MAMSTR: variants seen among roughly 807,000 people sequenced by gnomAD.
The protein encoded by MAMSTR is MEF2 activating motif and SAP domain containing transcriptional regulator, also known as MEF2-activating motif and SAP domain-containing transcriptional regulator.
Under a neutral mutation model 42.7 loss-of-function variants are expected in MAMSTR, and 41 were observed. The ratio of observed to expected loss-of-function variants is 0.96; its 90% CI spans 0.75 to 1.25. The LOEUF (loss-of-function observed/expected upper bound fraction) is 1.25, where lower values mean the gene tolerates loss of function less well. MAMSTR is among the 50% of genes most tolerant of loss of function. The pLI is 0.00. For synonymous variants in MAMSTR, 265 were observed against 244.1 expected, an observed-to-expected ratio of 1.09 and a Z score of -0.80; for missense variants, 567 against 557.6, an observed-to-expected ratio of 1.02 and a Z score of -0.17.
chr19:48,715,499 C>T, intron 4 of MAMSTR, 53 bp from the exon 5 acceptor site: 1 of 1,464,352 alleles, frequency 6.8e-7, no homozygotes, highest in Non-Finnish European at 9.0e-7. Context: ...CACCTTCCGG[C>T]CCCAGGACTA....
chr19:48,715,972 A>C, intron 3 of MAMSTR: 1 of 1,377,224 alleles, frequency 7.3e-7, no homozygotes, highest in Non-Finnish European at 9.3e-7. Flanking sequence ...GTAAAGCAGG[A>C]ATTTTCTATC....
chr19:48,707,883 G>GAAAGAAAGAAAGAAAGAAAGA (rs1555755213), downstream of MAMSTR, among the ~76,000 whole-genome samples: 1 of 106,016 alleles, frequency 9.4e-6, no homozygotes, highest in South Asian at 2.7e-4. Flanking sequence ...AAGAAAGAAA[G>GAAAGAAAGAAAGAAAGAAAGA]AAAGAAAAGA....
chr19:48,713,506 C>A lies in MAMSTR; in HGVS notation c.1009G>T (p.Val337Leu). ...TCAGAGTCCGGGGAGGGGGACAGCA[C>A]GTCGAAGGAGCCAGGGAAGTCCAGG... is the stretch of plus-strand genomic sequence containing the variant. ...IPLDFPGSFDVLSPSPDSEGL... is the reference protein window; with the variant it reads ...IPLDFPGSFDLLSPSPDSEGL... Residue 337 changes from valine to leucine, a missense_variant, in exon 10 of 10, where the codon GTG becomes TTG. Transcript: ENST00000318083. 2 of 1,612,212 alleles carry A rather than the reference C, an allele frequency of 1.2e-6. No homozygotes were observed. Among genetic ancestry groups the A allele is most frequent in the Non-Finnish European group, 1.7e-6 (2 of 1,179,574 alleles).
chr19:48,707,703 T>C, the MAMSTR span, among the ~76,000 whole-genome samples: 2 of 146,210 alleles, frequency 1.4e-5, no homozygotes, highest in Non-Finnish European at 3.0e-5. Flanking sequence ...ATATCGCCAC[T>C]GTACTCCAGC....
downstream of MAMSTR, among the ~76,000 whole-genome samples, chr19:48,711,266 A>C (rs1368680844): frequency 6.6e-6 from 1 of 152,162 alleles, no homozygotes. Flanking sequence ...CAAGAAATCT[A>C]GTTATCCCGG....
Position 48,713,173 on chromosome 19 carries a change from G to T in MAMSTR, c.*94C>A. The T allele has an allele frequency of 8.1e-7, 1 of 1,230,432 alleles. No homozygotes were observed. Among genetic ancestry groups the T allele is most frequent in the Middle Eastern group, 2.9e-4 (1 of 3,478 alleles). 76.2% of individuals were successfully genotyped at this position (1,230,432 alleles called of 1,614,324 possible). A position where few individuals can be genotyped will look rare whatever the true frequency, so the allele number is the denominator to read the frequency against. The stretch of plus-strand genomic sequence containing the variant: ...AGGTTGTCTCCGATCCTGTGTCTGC[G>T]GTAGGAGGGGCTCTGCTGGTAGTTC... On this transcript the variant is annotated 3_prime_UTR_variant, in exon 10 of 10. Transcript: ENST00000318083.
rs540178060 is a variant in MAMSTR at position 48,713,452 on chromosome 19, G to A, written c.1063C>T (p.Leu355Phe). 1.9e-6 allele frequency: 3 copies of A among 1,612,862 alleles called. No homozygotes were observed. Among genetic ancestry groups the A allele is most frequent in the African/African-American group, 1.3e-5 (1 of 75,038 alleles). Reference protein sequence around the residue: ...EGLSSVFSSSLPSPTNSSSPS... With the variant: ...EGLSSVFSSSFPSPTNSSSPS... ...GAGGAGGAGTTCGTGGGAGACGGGA[G>A]TGAAGAGGAGAAAACAGATGAGAGG... Residue 355 changes from leucine to phenylalanine, a missense_variant, in exon 10 of 10, where the codon CTC becomes TTC. By Grantham distance (22) the Leu-to-Phe change is conservative. Transcript: ENST00000318083.
downstream of MAMSTR, among the ~76,000 whole-genome samples, chr19:48,708,575 C>T (rs76226641): frequency 1.2e-4 from 18 of 152,132 alleles, no homozygotes; most frequent in Non-Finnish European, 7.4e-5. Flanking sequence ...TCGGCAGTGC[C>T]GGCAGTGCAG....
chr19:48,710,930 A>G (rs533402925), downstream of MAMSTR, among the ~76,000 whole-genome samples: 69 of 152,176 alleles, frequency 4.5e-4, no homozygotes, highest in Non-Finnish European at 9.0e-4. Flanking sequence ...AACTTACCCT[A>G]TGACGTTCTT....
chr19:48,711,847 G>T (rs560608336), downstream of MAMSTR, among the ~76,000 whole-genome samples: 57 of 145,962 alleles, frequency 3.9e-4, 1 homozygote, highest in African/African-American at 1.3e-3. Flanking sequence ...CCGGGTTCAC[G>T]CCATTCTCCT....
chr19:48,707,879 GAAAGAAAGAAAA>G (rs2032673243), downstream of MAMSTR, among the ~76,000 whole-genome samples: 2 of 109,480 alleles, frequency 1.8e-5, no homozygotes, highest in African/African-American at 7.8e-5. Context: ...AAGAAAGAAA[GAAAGAAAGAAAA>G]GAAAGAAAGA....
chr19:48,715,167 G>C, intron 5 of MAMSTR, 95 bp downstream of exon 5: 1 of 1,204,034 alleles, frequency 8.3e-7, no homozygotes, highest in South Asian at 1.4e-5. Flanking sequence ...AGGGTTGGGG[G>C]CCCCAATCCC....
chr19:48,714,233 C>A lies in MAMSTR; in HGVS notation c.723+133G>T. 5.1e-6 allele frequency: 5 copies of A among 987,736 alleles called. No homozygotes were observed. The East Asian group carries it at 1.2e-4, about 24-fold the overall frequency. 61.2% of individuals were successfully genotyped at this position (987,736 alleles called of 1,614,324 possible). On this transcript the variant is annotated intron_variant, in intron 7 of 9. Transcript: ENST00000318083. ...ATCCGCCCCCTGTTAGTCTGAACCA[C>A]GTCCCCTCGCCTTCAAGGCTTCCTA...
chr19:48,714,411 C>A lies in MAMSTR; in HGVS notation c.678G>T (p.Pro226=). Residue 226 remains proline, a synonymous_variant, in exon 7 of 10, where the codon CCG becomes CCT. Coordinates refer to ENST00000318083, the MANE Select transcript of MAMSTR (RefSeq NM_001130915.2). ...CTGCCAGGGCCTTGGGCTTGAGGCG[C>A]GGCCAGGGAGCACCCGCGGGACTGT... The part of the protein sequence containing the change: ...REDSPAGAPW[P]RLKPKALAAA... The A allele has an allele frequency of 7.2e-7, 1 of 1,389,312 alleles. No homozygotes were observed. The highest frequency in any genetic ancestry group is 9.2e-7 in the Non-Finnish European group (1 of 1,081,672). 86.1% of individuals were successfully genotyped at this position (1,389,312 alleles called of 1,614,324 possible).
chr19:48,707,470 A>G, the MAMSTR span, among the ~76,000 whole-genome samples: 1 of 146,010 alleles, frequency 6.8e-6, no homozygotes, highest in Non-Finnish European at 1.5e-5. Flanking sequence ...AGCAGGTGCT[A>G]TGGCTCACAT....
intron 3 of MAMSTR, 138 bp from the exon 4 acceptor site, chr19:48,715,905 G>C (rs1019038719): frequency 1.4e-6 from 2 of 1,445,458 alleles, no homozygotes; most frequent in Middle Eastern, 2.5e-4. Flanking sequence ...GGAGATGGGC[G>C]CCTGAACTGG....
chr19:48,714,956 GA>G, intron 5 of MAMSTR, 48 bp from the exon 6 acceptor site: 9 of 1,269,166 alleles, frequency 7.1e-6, no homozygotes, highest in South Asian at 2.7e-5. Context: ...GGTAGAGGGG[GA>G]AAAGGCGTTC....
chr19:48,714,413 G>T lies in MAMSTR; in HGVS notation c.676C>A (p.Pro226Thr), dbSNP rs772090142. 7.2e-7 allele frequency: 1 copy of T among 1,390,882 alleles called. No individual in the cohort carries two copies. Among genetic ancestry groups the T allele is most frequent in the South Asian group, 1.7e-5 (1 of 60,582 alleles). The allele number at this position is 1,390,882 out of a possible 1,614,324, so 86.2% of individuals were successfully genotyped here. A position where few individuals can be genotyped will look rare whatever the true frequency, so the allele number is the denominator to read the frequency against. ...GCCAGGGCCTTGGGCTTGAGGCGCG[G>T]CCAGGGAGCACCCGCGGGACTGTCC... Reference protein sequence around the residue: ...REDSPAGAPWPRLKPKALAAA... With the variant: ...REDSPAGAPWTRLKPKALAAA... The change falls in exon 7 of 10, where the codon CCG becomes ACG. Residue 226 changes from proline (P) to threonine (T), a missense_variant. Pro to Thr is a conservative substitution (Grantham distance 38). Transcript: ENST00000318083.
intron 5 of MAMSTR, 72 bp from the exon 6 acceptor site, chr19:48,714,980 A>G: frequency 9.9e-7 from 1 of 1,006,242 alleles, no homozygotes; most frequent in Non-Finnish European, 1.5e-6. Context: ...GGGTCCTCAA[A>G]GACGGGGAGC....
Sources: gnomAD v4.1 joint callset for allele counts (sites outside exome capture counted in the v4.1 genomes callset) on GRCh38, gnomAD v4.1.1 for gene constraint, MANE v1.5 for transcripts, NCBI Gene and HGNC (gene_info 2026-07-23, HGNC 2026-07-21) for gene names.